The following MAPKAPK5 variants were observed in gnomAD, a reference collection of about 807,000 sequenced individuals.
MAPKAPK5 encodes MAP kinase-activated protein kinase 5.
Under a neutral mutation model 65.1 loss-of-function variants are expected in MAPKAPK5, and 30 were observed. The ratio of observed to expected loss-of-function variants is 0.46; its 90% CI spans 0.34 to 0.63. MAPKAPK5 has a LOEUF of 0.63. Among genes scored for constraint, MAPKAPK5 ranks in the 20% least tolerant of loss-of-function variants. The pLI, the probability that MAPKAPK5 is intolerant of heterozygous loss-of-function variation, is 0.01. For missense variants in MAPKAPK5, 433 were observed against 581.4 expected (o/e 0.74, Z 2.63); for synonymous variants, 179 against 204.6 (o/e 0.87, Z 1.07).
rs373807940 is a variant in MAPKAPK5, at chr12:111,883,168, C to T, written c.661-413C>T. 1.1e-4 allele frequency among the ~76,000 whole-genome samples: 16 copies of T among 151,996 alleles called. No individual in the cohort carries two copies. The highest frequency in any genetic ancestry group is 2.2e-4 in the African/African-American group (9 of 41,432). Reference sequence around the variant, plus strand: ...CGGGCAGATCACGAGGTCAGGAGTTCGAGACCAACCTGACCAACATGGTGA... The same window carrying T: ...CGGGCAGATCACGAGGTCAGGAGTTTGAGACCAACCTGACCAACATGGTGA... On this transcript the variant is annotated intron_variant, in intron 8 of 13. Coordinates refer to ENST00000550735, the MANE Select transcript of MAPKAPK5 (RefSeq NM_003668.4). The surrounding 1 kb of genome is among the most constrained non-coding windows in gnomAD (Gnocchi z 4.8).
intron 8 of MAPKAPK5, chr12:111,882,922 A>G: frequency 1.1e-6 from 1 of 883,246 alleles, no homozygotes; most frequent in South Asian, 5.2e-5. Context: ...GTTTATATTT[A>G]TTTCTTTTCT....
chr12:111,853,966 T>TA (rs2069162408), intron 1 of MAPKAPK5, among the ~76,000 whole-genome samples: 1 of 152,220 alleles, frequency 6.6e-6, no homozygotes, highest in African/African-American at 2.4e-5. Context: ...TATTTTCAGA[T>TA]ATTAAGCCAA....
Position 111,893,875 on chromosome 12 carries a change from C to T in MAPKAPK5, c.*814C>T, listed in dbSNP as rs1007064010. On this transcript the variant is annotated 3_prime_UTR_variant, in exon 14 of 14. Transcript: ENST00000550735. ...GGATTACAGGTGCCCGCCACCACGC[C>T]TGGCTAATTTTTGTATTTTTAGTAG... 2.0e-5 allele frequency: 3 copies of T among 152,178 alleles called. No individual in the cohort carries two copies. Among genetic ancestry groups the T allele is most frequent in the Non-Finnish European group, 4.4e-5 (3 of 68,190 alleles). The allele number at this position is 152,178 out of a possible 1,614,324, so 9.4% of individuals were successfully genotyped here.
intron 7 of MAPKAPK5, among the ~76,000 whole-genome samples, chr12:111,879,052 A>C (rs1327356902): frequency 4.6e-5 from 7 of 152,178 alleles, no homozygotes; most frequent in Non-Finnish European, 2.9e-5. Flanking sequence ...TTCTATAAAA[A>C]AGCCTACTGG....
intron 5 of MAPKAPK5, 149 bp downstream of exon 5, chr12:111,869,010 C>T (rs1367459908): frequency 4.6e-6 from 3 of 649,552 alleles, no homozygotes; most frequent in Non-Finnish European, 2.6e-6. Flanking sequence ...GATGTTTTGA[C>T]AGGAGAAATG....
intron 12 of MAPKAPK5, 58 bp downstream of exon 12, chr12:111,889,058 G>C (rs2070513661): frequency 6.5e-7 from 1 of 1,532,464 alleles, no homozygotes; most frequent in Middle Eastern, 1.8e-4. Flanking sequence ...GTGTGCAGGG[G>C]TGGGTGGGTG....
chr12:111,892,173 G>A (rs2070638666), intron 13 of MAPKAPK5, among the ~76,000 whole-genome samples: 1 of 152,196 alleles, frequency 6.6e-6, no homozygotes, highest in South Asian at 2.1e-4. Context: ...CTGTATGAAT[G>A]TGTGCTATAT....
chr12:111,900,550 G>A lies in MAPKAPK5; in HGVS notation c.*7489G>A. 2.2e-6 allele frequency: 1 copy of A among 456,142 alleles called. No individual in the cohort carries two copies. Among genetic ancestry groups the A allele is most frequent in the South Asian group, 1.5e-5 (1 of 64,562 alleles). 28.3% of individuals were successfully genotyped at this position (456,142 alleles called of 1,614,324 possible). ...CTATTTAACAAGCCACGGCCCAGGG[G>A]CCGCAAGCGTAGGGATTCTGCCTGT... On this transcript the variant is annotated 3_prime_UTR_variant, in exon 14 of 14. Coordinates refer to ENST00000550735, the MANE Select transcript of MAPKAPK5 (RefSeq NM_003668.4).
intron 1 of MAPKAPK5, among the ~76,000 whole-genome samples, chr12:111,862,752 G>T (rs755343069): frequency 1.3e-5 from 2 of 152,120 alleles, no homozygotes; most frequent in Non-Finnish European, 2.9e-5. Context: ...TTACATCCGA[G>T]GGGTTGGGCA....
chr12:111,874,142 A>G (rs1052037050), intron 7 of MAPKAPK5, among the ~76,000 whole-genome samples: 4 of 152,106 alleles, frequency 2.6e-5, no homozygotes, highest in African/African-American at 9.7e-5. Flanking sequence ...CGCCTGTTAT[A>G]CCAGCACTTT....
At position 111,890,020 on chromosome 12, in the gene MAPKAPK5, C is replaced by T; in HGVS notation, c.1217-20C>T. The T allele has an allele frequency of 6.7e-7, 1 of 1,501,496 alleles. No individual in the cohort carries two copies. Among genetic ancestry groups the T allele is most frequent in the Non-Finnish European group, 9.1e-7 (1 of 1,096,504 alleles). 93.0% of individuals were successfully genotyped at this position (1,501,496 alleles called of 1,614,324 possible). ...GATGCTGCAGGAAAAATGCAAATTC[C>T]TCTTCATCCTTACCAATAGGAGAGA... On this transcript the variant is annotated intron_variant, in intron 12 of 13. Transcript: ENST00000550735.
In MAPKAPK5 at chr12:111,900,751, C is replaced by T. The variant is rs1303689542; in HGVS notation, c.*7690C>T. On this transcript the variant is annotated 3_prime_UTR_variant, in exon 14 of 14. Coordinates refer to ENST00000550735, the MANE Select transcript of MAPKAPK5 (RefSeq NM_003668.4). ...TATCCTTGCTGTCCTTCTAGTCGTT[C>T]CTGTGATCTCCCAGAATTTTGCAAT... The T allele has an allele frequency of 2.2e-6, 1 of 456,098 alleles. No homozygotes were observed. The highest frequency in any genetic ancestry group is 4.4e-6 in the Non-Finnish European group (1 of 226,792). The allele number at this position is 456,098 out of a possible 1,614,324, so 28.3% of individuals were successfully genotyped here.
At chr12:111,885,144 C>T (rs750629387) in intron 9 of MAPKAPK5, among the ~76,000 whole-genome samples, 2 of 152,172 alleles carry the variant, frequency 1.3e-5, no homozygotes, top group Non-Finnish European at 2.9e-5. Flanking sequence ...CCAGATAATC[C>T]TTTCTTTAGA....
At position 111,867,661 on chromosome 12, in the gene MAPKAPK5, C is replaced by T. The variant is rs2069656983; in HGVS notation, c.276C>T (p.Ser92=). The T allele has an allele frequency of 6.2e-7, 1 of 1,612,706 alleles. No individual in the cohort carries two copies. Among genetic ancestry groups the T allele is most frequent in the Non-Finnish European group, 8.5e-7 (1 of 1,178,856 alleles). ...ACAGTGTCCAGTTTCCCCATGAGTCCAGCCCTAGGTAAGACTACACAGTGT... is the reference window on the plus strand; with the variant it reads ...ACAGTGTCCAGTTTCCCCATGAGTCTAGCCCTAGGTAAGACTACACAGTGT... ...FANSVQFPHE[S]SPRARLLIVM... The change falls in exon 4 of 14, where the codon TCC becomes TCT. Residue 92 remains serine, a synonymous_variant. Transcript: ENST00000550735.
chr12:111,857,187 A>G (rs1210853531), intron 1 of MAPKAPK5, among the ~76,000 whole-genome samples: 2 of 150,742 alleles, frequency 1.3e-5, no homozygotes, highest in Non-Finnish European at 2.9e-5. Context: ...AATTTTTTCC[A>G]TGTTTACCTG....
chr12:111,880,356 C>A (rs1213916262), intron 7 of MAPKAPK5, 91 bp from the exon 8 acceptor site: 2 of 1,019,898 alleles, frequency 2.0e-6, no homozygotes, highest in African/African-American at 1.6e-5. Flanking sequence ...CAGTTGTTTA[C>A]CTCCTTCAGT....
chr12:111,859,631 T>C (rs1249093748), intron 1 of MAPKAPK5, among the ~76,000 whole-genome samples: 1 of 143,532 alleles, frequency 7.0e-6, no homozygotes, highest in Non-Finnish European at 1.5e-5. Flanking sequence ...CTTCTTTTTT[T>C]CTTTTCTTTT....
At chr12:111,878,942 G>C (rs2070094304) in intron 7 of MAPKAPK5, among the ~76,000 whole-genome samples, 1 of 152,114 alleles carries the variant, frequency 6.6e-6, no homozygotes, top group Non-Finnish European at 1.5e-5. Context: ...CTTGAAATCA[G>C]GTAGCGTTGG....
At chr12:111,843,553 T>C in intron 1 of MAPKAPK5, 2 of 308,574 alleles carry the variant, frequency 6.5e-6, no homozygotes. Context: ...TTTGATGTAT[T>C]ATTTACTTAT....
Sources: gnomAD v4.1 joint callset for allele counts (sites outside exome capture counted in the v4.1 genomes callset) on GRCh38, gnomAD v4.1.1 for gene constraint, Gnocchi (gnomAD v3.1) non-coding constraint, MANE v1.5 for transcripts, NCBI Gene and HGNC (gene_info 2026-07-23, HGNC 2026-07-21) for gene names.